The following PABPC1L variants were observed in gnomAD, a reference collection of about 807,000 sequenced individuals.
PABPC1L encodes the protein poly(A) binding protein cytoplasmic 1 like, also known as polyadenylate-binding protein 1-like.
A neutral mutation model predicts 66.6 loss-of-function variants in PABPC1L; 31 were observed. The ratio of observed to expected loss-of-function variants is 0.47; its 90% confidence interval spans 0.35 to 0.63. PABPC1L has a LOEUF of 0.63. PABPC1L is among the 20% of genes least tolerant of loss of function. PABPC1L has a pLI of 0.00. For missense variants in PABPC1L, 722 were observed against 848.8 expected, an observed-to-expected ratio of 0.85 and a Z score of 1.86; for synonymous variants, 348 against 335.1, an observed-to-expected ratio of 1.04 and a Z score of -0.42.
chr20:44,928,864 C>CAAAAAAAAAAAAAAAAAAAAAAAAAAA (rs10597679), intron 7 of PABPC1L, among the ~76,000 whole-genome samples: 1 of 54,356 alleles, frequency 1.8e-5, no homozygotes, highest in Non-Finnish European at 3.0e-5. Flanking sequence ...GATCCTGACT[C>CAAAAAAAAAAAAAAAAAAAAAAAAAAA]AAAAAAAAAA....
chr20:44,928,349 A>G (rs909535662), intron 7 of PABPC1L, among the ~76,000 whole-genome samples: 17 of 152,232 alleles, frequency 1.1e-4, no homozygotes, highest in African/African-American at 4.1e-4. Flanking sequence ...CTGGGATTAC[A>G]GGCATAAGCC....
At chr20:44,936,922 G>A (rs1466409684) in intron 12 of PABPC1L, 192 bp downstream of exon 12, 5 of 680,714 alleles carry the variant, frequency 7.3e-6, no homozygotes, top group Non-Finnish European at 1.4e-5. Context: ...TAAAACGCTG[G>A]TCAGACTGGA....
At chr20:44,930,784 G>T in intron 8 of PABPC1L, 58 bp downstream of exon 8, 3 of 1,574,072 alleles carry the variant, frequency 1.9e-6, no homozygotes, top group Non-Finnish European at 2.6e-6. Context: ...GCAAGGCAGA[G>T]CATGAAGACT....
At chr20:44,917,889 C>T (rs986216646) in intron 3 of PABPC1L, among the ~76,000 whole-genome samples, 1 of 152,214 alleles carries the variant, frequency 6.6e-6, no homozygotes, top group Non-Finnish European at 1.5e-5. Flanking sequence ...ACCTTTGCCA[C>T]TCAGTTTTCT....
At chr20:44,938,769 A>T in intron 14 of PABPC1L, 21 bp downstream of exon 14, 1 of 1,602,208 alleles carries the variant, frequency 6.2e-7, no homozygotes, top group Non-Finnish European at 8.5e-7. Context: ...TGGTGACAGA[A>T]GCAGCTGAGC....
At chr20:44,932,185 A>G in intron 8 of PABPC1L, 157 bp from the exon 9 acceptor site, 1 of 481,618 alleles carries the variant, frequency 2.1e-6, no homozygotes, top group East Asian at 3.3e-5. Context: ...ACATCCTGAG[A>G]TGGGAGGAAG....
intron 6 of PABPC1L, among the ~76,000 whole-genome samples, chr20:44,923,660 AATGT>A (rs1429796645): frequency 6.6e-6 from 1 of 152,048 alleles, no homozygotes; most frequent in African/African-American, 2.4e-5. Flanking sequence ...AAAAAATCAA[AATGT>A]ATGGGAAAGC....
At chr20:44,931,063 CCCTCCCT>C (rs1248346564) in intron 8 of PABPC1L, among the ~76,000 whole-genome samples, 6 of 46,078 alleles carry the variant, frequency 1.3e-4, no homozygotes, top group South Asian at 1.4e-3. Context: ...CCCTTCCCTT[CCCTCCCT>C]CCCTCCCTCC....
intron 1 of PABPC1L, among the ~76,000 whole-genome samples, chr20:44,910,830 G>A (rs899471493): frequency 7.2e-6 from 1 of 139,508 alleles, no homozygotes; most frequent in Non-Finnish European, 1.6e-5. Flanking sequence ...TTCCCAGCGC[G>A]ACGTGAGATC....
rs1418836111 is a variant in PABPC1L, at chr20:44,939,125, GA to G, written c.*10del. 1.4e-6 allele frequency: 1 copy of G among 717,880 alleles called. No homozygotes were observed. Among genetic ancestry groups the G allele is most frequent in the Non-Finnish European group, 2.6e-6 (1 of 385,184 alleles). The allele number at this position is 717,880 out of a possible 1,614,324, so 44.5% of individuals were successfully genotyped here. ...ACTTATTTTTACCTTTTTGTCCTCA[GA>G]AAAGGAAATCCTCGCTTCCATGGCT... On this transcript the variant is annotated splice_region_variant and 3_prime_UTR_variant, in exon 15 of 15. Transcript: ENST00000217073.
chr20:44,936,067 G>A (rs1430462116), intron 11 of PABPC1L, among the ~76,000 whole-genome samples: 2 of 151,868 alleles, frequency 1.3e-5, no homozygotes, highest in African/African-American at 4.8e-5. Flanking sequence ...TGAACTCCTA[G>A]GCTCAAGTGA....
rs1044869602 is a variant in PABPC1L, at chr20:44,939,115, T to G, written c.*7-11T>G. On this transcript the variant is annotated splice_polypyrimidine_tract_variant and intron_variant, in intron 14 of 14. Coordinates refer to ENST00000217073, the MANE Select transcript of PABPC1L (RefSeq NM_001372179.1). ...CTTTAAAAACACTTATTTTTACCTT[T>G]TTGTCCTCAGAAAAGGAAATCCTCG... is the stretch of plus-strand genomic sequence containing the variant. The G allele has an allele frequency of 1.7e-5, 12 of 717,738 alleles. No individual in the cohort carries two copies. The highest frequency in any genetic ancestry group is 2.6e-5 in the Non-Finnish European group (10 of 385,184). 44.5% of individuals were successfully genotyped at this position (717,738 alleles called of 1,614,324 possible).
At chr20:44,916,984 G>A (rs113546156) in intron 3 of PABPC1L, 113 bp downstream of exon 3, 17 of 967,342 alleles carry the variant, frequency 1.8e-5, no homozygotes, top group Middle Eastern at 2.6e-4. Context: ...GCACTTGAGC[G>A]GCAGGCAGCC....
At chr20:44,932,792 T>C (rs1374639901) in intron 9 of PABPC1L, 2 of 515,736 alleles carry the variant, frequency 3.9e-6, no homozygotes, top group Non-Finnish European at 7.0e-6. Flanking sequence ...GAAACTATCT[T>C]GAGGGACTAA....
rs538414318 is a variant in PABPC1L at position 44,932,240 on chromosome 20, C to T, written c.1240-102C>T. The stretch of plus-strand genomic sequence containing the variant: ...GTGGGTCTTGACTCACCAGTCCCTG[C>T]AGGAGCCAGTGGAGTTCCTGCCATG... On this transcript the variant is annotated intron_variant, in intron 8 of 14. Coordinates refer to ENST00000217073, the MANE Select transcript of PABPC1L (RefSeq NM_001372179.1). 2.5e-5 allele frequency: 21 copies of T among 844,052 alleles called. No homozygotes were observed. The Admixed American group carries it at 3.6e-4, about 14-fold the overall frequency. The allele number at this position is 844,052 out of a possible 1,614,324, so 52.3% of individuals were successfully genotyped here.
chr20:44,916,789 G>A lies in PABPC1L; in HGVS notation c.421G>A (p.Gly141Ser), dbSNP rs202131103. The A allele has an allele frequency of 2.5e-6, 4 of 1,614,132 alleles. No homozygotes were observed. Among genetic ancestry groups the A allele is most frequent in the Admixed American group, 1.7e-5 (1 of 60,014 alleles). Residue 141 changes from glycine to serine, a missense_variant, in exon 3 of 15, where the codon GGC becomes AGC. Transcript: ENST00000217073. ...TGACGAGCATGGCTCCCGGGGTTTC[G>A]GCTTTGTCCATTTTGAGACCCATGA... ...ACDEHGSRGFGFVHFETHEAA... is the reference protein window; with the variant it reads ...ACDEHGSRGFSFVHFETHEAA...
At chr20:44,923,600 G>A (rs913139949) in intron 6 of PABPC1L, among the ~76,000 whole-genome samples, 1 of 151,750 alleles carries the variant, frequency 6.6e-6, no homozygotes, top group Non-Finnish European at 1.5e-5. Flanking sequence ...TTGCACTCCA[G>A]CCTAGGCAAC....
intron 1 of PABPC1L, among the ~76,000 whole-genome samples, chr20:44,912,196 A>G (rs2066709897): frequency 6.6e-6 from 1 of 152,118 alleles, no homozygotes; most frequent in African/African-American, 2.4e-5. Context: ...CCAGAGCCGG[A>G]CTGCTTGAGA....
chr20:44,927,400 T>G (rs2066817713), intron 7 of PABPC1L, among the ~76,000 whole-genome samples: 1 of 151,784 alleles, frequency 6.6e-6, no homozygotes, highest in Admixed American at 6.6e-5. Context: ...CAGGCTAGAG[T>G]GCAATGGTGC....
Sources: gnomAD v4.1 joint callset for allele counts (sites outside exome capture counted in the v4.1 genomes callset) on GRCh38, gnomAD v4.1.1 for gene constraint, MANE v1.5 for transcripts, NCBI Gene and HGNC (gene_info 2026-07-23, HGNC 2026-07-21) for gene names.